Variants in CHSY3 observed in about 807,000 individuals in gnomAD.
CHSY3 encodes the protein N-acetylgalactosaminyl-proteoglycan 3-beta-glucuronosyltransferase 3.
In CHSY3, 35 loss-of-function variants were observed where a neutral mutation model predicts 67.2. The observed-to-expected ratio is 0.52, with a 90% CI of 0.40 to 0.69. The LOEUF is 0.69. CHSY3 is among the 30% of genes least tolerant of loss of function. The pLI is 0.00. For synonymous variants in CHSY3, 474 were observed against 434.7 expected (o/e 1.09, Z -1.12); for missense variants, 1,069 against 1,138.5 (o/e 0.94, Z 0.88).
At chr5:130,062,582 G>C (rs575098353) in intron 2 of CHSY3, among the ~76,000 whole-genome samples, 3 of 152,054 alleles carry the variant, frequency 2.0e-5, no homozygotes, top group South Asian at 2.1e-4. Flanking sequence ...ACTTGTTTTC[G>C]TACTTTAAGT....
chr5:130,088,527 A>G (rs1766752650), intron 2 of CHSY3, among the ~76,000 whole-genome samples: 1 of 152,188 alleles, frequency 6.6e-6, no homozygotes, highest in Non-Finnish European at 1.5e-5. Flanking sequence ...ACAGATTTAC[A>G]AGAAAAAAAC....
At chr5:130,120,333 G>A (rs1561545522) in intron 2 of CHSY3, among the ~76,000 whole-genome samples, 1 of 151,838 alleles carries the variant, frequency 6.6e-6, no homozygotes, top group Non-Finnish European at 1.5e-5. Flanking sequence ...AATTAAACCA[G>A]ATAATAGCAC....
At chr5:130,002,674 A>G (rs1763763423) in intron 2 of CHSY3, among the ~76,000 whole-genome samples, 1 of 152,184 alleles carries the variant, frequency 6.6e-6, no homozygotes, top group African/African-American at 2.4e-5. Flanking sequence ...CTAAATGGAT[A>G]ACTATTTGAG....
chr5:129,958,544 A>G (rs1561473279), intron 2 of CHSY3, among the ~76,000 whole-genome samples: 1 of 152,154 alleles, frequency 6.6e-6, no homozygotes, highest in Non-Finnish European at 1.5e-5. Context: ...ACTTTTGTAC[A>G]GAGCAAGATG....
intron 2 of CHSY3, among the ~76,000 whole-genome samples, chr5:129,947,895 CTATTT>C (rs917882964): frequency 5.3e-5 from 8 of 152,092 alleles, no homozygotes; most frequent in African/African-American, 1.9e-4. Flanking sequence ...TACCTGTTGG[CTATTT>C]GTATGTCTTC....
intron 2 of CHSY3, among the ~76,000 whole-genome samples, chr5:130,129,048 C>T (rs1267920026): frequency 6.6e-6 from 1 of 151,592 alleles, no homozygotes; most frequent in Admixed American, 6.6e-5. Context: ...CTGCTCAATT[C>T]TAGTGATGCA....
chr5:130,159,972 T>C (rs1253152222), intron 2 of CHSY3, among the ~76,000 whole-genome samples: 1 of 152,078 alleles, frequency 6.6e-6, no homozygotes, highest in Admixed American at 6.5e-5. Flanking sequence ...GGCAACACAG[T>C]GGTTTGAATG....
chr5:129,970,915 A>G (rs935638024), intron 2 of CHSY3, among the ~76,000 whole-genome samples: 4 of 151,908 alleles, frequency 2.6e-5, no homozygotes, highest in African/African-American at 9.7e-5. Flanking sequence ...TTAAATATCA[A>G]TGTAAATGTC....
At chr5:129,947,849 T>G (rs1761906631) in intron 2 of CHSY3, among the ~76,000 whole-genome samples, 1 of 152,184 alleles carries the variant, frequency 6.6e-6, no homozygotes, top group Non-Finnish European at 1.5e-5. Flanking sequence ...GATTTGCATT[T>G]CCCTGAGGAT....
chr5:129,966,231 A>G (rs766751053), intron 2 of CHSY3, among the ~76,000 whole-genome samples: 4 of 152,038 alleles, frequency 2.6e-5, no homozygotes, highest in Non-Finnish European at 5.9e-5. Flanking sequence ...TGTTGATCCA[A>G]ATACATTCAT....
chr5:129,910,050 T>C (rs1463881122), intron 2 of CHSY3, among the ~76,000 whole-genome samples: 1 of 152,018 alleles, frequency 6.6e-6, no homozygotes, highest in African/African-American at 2.4e-5. Flanking sequence ...CAGTAAGATA[T>C]GCACAAAAAT....
At chr5:129,934,167 T>G (rs1761412349) in intron 2 of CHSY3, among the ~76,000 whole-genome samples, 1 of 152,160 alleles carries the variant, frequency 6.6e-6, no homozygotes, top group South Asian at 2.1e-4. Context: ...TTATAAAAAA[T>G]GATCTCAATA....
intron 2 of CHSY3, among the ~76,000 whole-genome samples, chr5:130,090,176 T>G (rs1766828761): frequency 6.6e-6 from 1 of 152,142 alleles, no homozygotes; most frequent in Admixed American, 6.6e-5. Context: ...TGCCTTCCTC[T>G]TCCACTCACT....
At chr5:130,117,955 T>C (rs532727814) in intron 2 of CHSY3, among the ~76,000 whole-genome samples, 2 of 152,198 alleles carry the variant, frequency 1.3e-5, no homozygotes, top group African/African-American at 2.4e-5. Context: ...ATTCCGTGAA[T>C]GGCTTAGCAC....
At chr5:129,988,903 G>A (rs1367079939) in intron 2 of CHSY3, among the ~76,000 whole-genome samples, 1 of 152,070 alleles carries the variant, frequency 6.6e-6, no homozygotes, top group Admixed American at 6.6e-5. Flanking sequence ...ATCATCAGAG[G>A]GGCCCATTTG....
chr5:130,055,148 T>C (rs1397908779), intron 2 of CHSY3, among the ~76,000 whole-genome samples: 1 of 152,168 alleles, frequency 6.6e-6, no homozygotes, highest in Non-Finnish European at 1.5e-5. Flanking sequence ...CAGCATGTAC[T>C]CTGATCCCCA....
At chr5:130,153,197 C>T (rs1447820945) in intron 2 of CHSY3, among the ~76,000 whole-genome samples, 2 of 151,976 alleles carry the variant, frequency 1.3e-5, no homozygotes, top group Non-Finnish European at 2.9e-5. Context: ...AGAGATCACA[C>T]TACTGCACTC....
At chr5:129,917,375 T>C (rs1361758231) in intron 2 of CHSY3, among the ~76,000 whole-genome samples, 2 of 152,242 alleles carry the variant, frequency 1.3e-5, no homozygotes, top group Non-Finnish European at 2.9e-5. Context: ...ACAGAGAGCC[T>C]GTTGTAATAA....
intron 2 of CHSY3, among the ~76,000 whole-genome samples, chr5:129,965,881 G>C (rs1762455725): frequency 6.6e-6 from 1 of 151,814 alleles, no homozygotes; most frequent in Non-Finnish European, 1.5e-5. Flanking sequence ...TTCAGTTAGT[G>C]AGATCAGAGC....
Sources: gnomAD v4.1 joint callset for allele counts (sites outside exome capture counted in the v4.1 genomes callset) on GRCh38, gnomAD v4.1.1 for gene constraint, MANE v1.5 for transcripts, NCBI Gene and HGNC (gene_info 2026-07-23, HGNC 2026-07-21) for gene names.